The following NKAIN2 variants were observed in gnomAD, a reference collection of about 807,000 sequenced individuals.
NKAIN2 encodes sodium/potassium-transporting ATPase subunit beta-1-interacting protein 2.
A neutral mutation model predicts 32.6 loss-of-function variants in NKAIN2; 14 were observed. The ratio of observed to expected loss-of-function variants is 0.43; its 90% CI spans 0.28 to 0.67. NKAIN2 has a LOEUF of 0.67. Ranked by LOEUF, NKAIN2 falls within the 30% of genes least tolerant of loss-of-function variation. The probability of loss-of-function intolerance (pLI) is 0.17; values close to 1 mark genes in which losing one functional copy is unlikely to be tolerated. For missense variants in NKAIN2, 198 were observed against 258.3 expected (o/e 0.77, Z 1.60); for synonymous variants, 80 against 87.2 (o/e 0.92, Z 0.46).
At chr6:123,995,677 G>A (rs2114699445) in intron 1 of NKAIN2, among the ~76,000 whole-genome samples, 1 of 152,246 alleles carries the variant, frequency 6.6e-6, no homozygotes, top group South Asian at 2.1e-4. Flanking sequence ...TTTCTTTGCT[G>A]TAAAATAAAG....
intron 1 of NKAIN2, among the ~76,000 whole-genome samples, chr6:124,074,523 TA>T (rs1412203469): frequency 5.9e-5 from 9 of 152,146 alleles, no homozygotes; most frequent in Non-Finnish European, 1.3e-4. Context: ...CACCCATTAC[TA>T]GGGGTCCTCC....
intron 1 of NKAIN2, among the ~76,000 whole-genome samples, chr6:123,867,703 T>C (rs1313396219): frequency 6.6e-6 from 1 of 152,188 alleles, no homozygotes; most frequent in Non-Finnish European, 1.5e-5. Context: ...GACACCTTTG[T>C]TTCATCATTC....
chr6:124,075,324 T>G (rs1783646686), intron 1 of NKAIN2, among the ~76,000 whole-genome samples: 1 of 152,144 alleles, frequency 6.6e-6, no homozygotes, highest in African/African-American at 2.4e-5. Context: ...GACAACTGCT[T>G]CTTATTTGGT....
chr6:123,956,301 C>T (rs979865207), intron 1 of NKAIN2, among the ~76,000 whole-genome samples: 10 of 152,108 alleles, frequency 6.6e-5, no homozygotes, highest in African/African-American at 2.4e-4. Flanking sequence ...TATGTTGAAG[C>T]CCTAACTTCC....
chr6:124,504,431 C>T (rs1778400659), intron 3 of NKAIN2, among the ~76,000 whole-genome samples: 1 of 152,122 alleles, frequency 6.6e-6, no homozygotes. Context: ...TTGACTTTAG[C>T]TTTGCATTAA....
intron 1 of NKAIN2, among the ~76,000 whole-genome samples, chr6:124,239,530 A>G (rs984689318): frequency 1.3e-5 from 2 of 152,160 alleles, no homozygotes; most frequent in African/African-American, 2.4e-5. Context: ...AAGAACGAAA[A>G]TCATAAAAAA....
intron 3 of NKAIN2, among the ~76,000 whole-genome samples, chr6:124,573,669 C>T (rs1449184913): frequency 1.3e-5 from 2 of 151,980 alleles, no homozygotes; most frequent in African/African-American, 4.8e-5. Flanking sequence ...AGCGCAGCCC[C>T]CACTTTCAGA....
At chr6:124,591,623 A>G (rs1781916515) in intron 3 of NKAIN2, among the ~76,000 whole-genome samples, 1 of 152,126 alleles carries the variant, frequency 6.6e-6, no homozygotes, top group Non-Finnish European at 1.5e-5. Flanking sequence ...AAAGGGTTCT[A>G]TTGTTCATAT....
intron 1 of NKAIN2, among the ~76,000 whole-genome samples, chr6:124,032,797 A>G (rs894651126): frequency 6.6e-6 from 1 of 152,126 alleles, no homozygotes; most frequent in African/African-American, 2.4e-5. Flanking sequence ...TGAAATATAT[A>G]TGTATTGATC....
At chr6:124,734,715 A>ACTCTTG (rs1776854814) in intron 4 of NKAIN2, among the ~76,000 whole-genome samples, 1 of 151,906 alleles carries the variant, frequency 6.6e-6, no homozygotes, top group Non-Finnish European at 1.5e-5. Context: ...AATATTACCT[A>ACTCTTG]GTTCAAGGCA....
intron 5 of NKAIN2, among the ~76,000 whole-genome samples, chr6:124,794,248 C>T (rs1391613954): frequency 6.6e-6 from 1 of 152,096 alleles, no homozygotes; most frequent in African/African-American, 2.4e-5. Flanking sequence ...TATTTGAACA[C>T]AAGACTCCTG....
chr6:124,021,486 A>T (rs1193265713), intron 1 of NKAIN2, among the ~76,000 whole-genome samples: 1 of 151,972 alleles, frequency 6.6e-6, no homozygotes, highest in Non-Finnish European at 1.5e-5. Context: ...ACTGTATTAC[A>T]TCTCTTCATA....
intron 2 of NKAIN2, among the ~76,000 whole-genome samples, chr6:124,328,743 G>A (rs759131152): frequency 1.4e-4 from 22 of 152,126 alleles, no homozygotes; most frequent in Middle Eastern, 3.2e-3. Flanking sequence ...TGTACTCCCC[G>A]TGGAGCTGTC....
At chr6:124,381,456 T>C (rs895376581) in intron 3 of NKAIN2, among the ~76,000 whole-genome samples, 2 of 152,154 alleles carry the variant, frequency 1.3e-5, no homozygotes, top group African/African-American at 4.8e-5. Flanking sequence ...AGAAAGCCAT[T>C]TGCTTAGTAA....
chr6:123,915,932 T>C (rs1775472164), intron 1 of NKAIN2, among the ~76,000 whole-genome samples: 1 of 152,186 alleles, frequency 6.6e-6, no homozygotes, highest in African/African-American at 2.4e-5. Context: ...GAACCCATAT[T>C]TTCTGCATAG....
At chr6:124,203,388 T>C (rs1790685464) in intron 1 of NKAIN2, among the ~76,000 whole-genome samples, 1 of 151,918 alleles carries the variant, frequency 6.6e-6, no homozygotes, top group Non-Finnish European at 1.5e-5. Flanking sequence ...TTTTGCAATT[T>C]CATGGGTATT....
chr6:124,375,027 A>T (rs1399321799), intron 3 of NKAIN2, among the ~76,000 whole-genome samples: 1 of 151,670 alleles, frequency 6.6e-6, no homozygotes, highest in Non-Finnish European at 1.5e-5. Flanking sequence ...CTCCAAGCAG[A>T]TCCTTCTCTC....
intron 1 of NKAIN2, among the ~76,000 whole-genome samples, chr6:123,838,795 A>C (rs1205271695): frequency 6.6e-6 from 1 of 152,172 alleles, no homozygotes; most frequent in Non-Finnish European, 1.5e-5. Flanking sequence ...CGTGCATTTG[A>C]AATCAAGTGT....
intron 1 of NKAIN2, among the ~76,000 whole-genome samples, chr6:124,232,460 G>A (rs1271263087): frequency 6.6e-6 from 1 of 152,038 alleles, no homozygotes; most frequent in Non-Finnish European, 1.5e-5. Flanking sequence ...ATAAATAGCA[G>A]AATCTTTGAG....
Sources: gnomAD v4.1 joint callset for allele counts (sites outside exome capture counted in the v4.1 genomes callset) on GRCh38, gnomAD v4.1.1 for gene constraint, MANE v1.5 for transcripts, NCBI Gene and HGNC (gene_info 2026-07-23, HGNC 2026-07-21) for gene names.